The following CTTNBP2NL variants were observed in gnomAD, a reference collection of about 807,000 sequenced individuals.
CTTNBP2NL encodes the protein CTTNBP2 N-terminal like.
Under a neutral mutation model 32.5 loss-of-function variants are expected in CTTNBP2NL, and 16 were observed. The observed-to-expected ratio is 0.49, with a 90% CI of 0.33 to 0.75. The LOEUF (loss-of-function observed/expected upper bound fraction) is 0.75. CTTNBP2NL is among the 30% of genes least tolerant of loss of function. CTTNBP2NL has a pLI of 0.02. For synonymous variants in CTTNBP2NL, 298 were observed against 289.4 expected (o/e 1.03, Z -0.30); for missense variants, 645 against 756.0 (o/e 0.85, Z 1.72).
intron 3 of CTTNBP2NL, among the ~76,000 whole-genome samples, chr1:112,433,413 G>T (rs1193799701): frequency 6.6e-6 from 1 of 152,126 alleles, no homozygotes; most frequent in East Asian, 1.9e-4. Flanking sequence ...GGCCAAAATG[G>T]CAAAACCCTG....
intron 4 of CTTNBP2NL, among the ~76,000 whole-genome samples, chr1:112,450,916 C>T (rs1448659739): frequency 6.6e-6 from 1 of 151,934 alleles, no homozygotes; most frequent in African/African-American, 2.4e-5. Context: ...AGAAATCAAA[C>T]AGTACCTAGA....
intron 3 of CTTNBP2NL, among the ~76,000 whole-genome samples, chr1:112,435,342 A>T (rs1448910973): frequency 6.6e-6 from 1 of 151,894 alleles, no homozygotes; most frequent in Non-Finnish European, 1.5e-5. Context: ...TTTTTCACTA[A>T]ATGTAAGCTC....
intron 1 of CTTNBP2NL, among the ~76,000 whole-genome samples, chr1:112,405,841 C>T (rs1648645994): frequency 6.6e-6 from 1 of 152,082 alleles, no homozygotes; most frequent in Admixed American, 6.6e-5. Flanking sequence ...AAAACAAAAA[C>T]CTGATACCTA....
At chr1:112,444,684 AC>A (rs1170264775) in intron 3 of CTTNBP2NL, among the ~76,000 whole-genome samples, 1 of 152,112 alleles carries the variant, frequency 6.6e-6, no homozygotes, top group Non-Finnish European at 1.5e-5. Context: ...TTATTACTAA[AC>A]CCCCTCCAAA....
chr1:112,407,840 CTTTTTTTTTTTTT>C (rs869134559), intron 1 of CTTNBP2NL, among the ~76,000 whole-genome samples: 7 of 96,052 alleles, frequency 7.3e-5, no homozygotes, highest in African/African-American at 2.8e-4. Flanking sequence ...TTTTTTCTTT[CTTTTTTTTTTTTT>C]TTTTTTTTTG....
intron 1 of CTTNBP2NL, among the ~76,000 whole-genome samples, chr1:112,406,714 G>A (rs903368200): frequency 6.6e-6 from 1 of 152,082 alleles, no homozygotes; most frequent in Non-Finnish European, 1.5e-5. Flanking sequence ...TTAGAAAACT[G>A]CTATAGAACT....
intron 3 of CTTNBP2NL, among the ~76,000 whole-genome samples, chr1:112,425,270 A>G (rs1570728169): frequency 6.6e-6 from 1 of 152,246 alleles, no homozygotes; most frequent in East Asian, 1.9e-4. Context: ...CAGGAGTTCA[A>G]GACCAGCCTG....
chr1:112,394,728 C>T (rs1264286171), upstream of CTTNBP2NL, among the ~76,000 whole-genome samples: 1 of 152,172 alleles, frequency 6.6e-6, no homozygotes, highest in Non-Finnish European at 1.5e-5. Flanking sequence ...TACCATCATC[C>T]ACGCCCATTC....
At chr1:112,452,959 C>CA (rs1221396384) in intron 4 of CTTNBP2NL, among the ~76,000 whole-genome samples, 1 of 145,498 alleles carries the variant, frequency 6.9e-6, no homozygotes, top group African/African-American at 2.6e-5. Flanking sequence ...CCCATTTCTA[C>CA]AAAAAATCAG....
chr1:112,457,277 T>C lies in CTTNBP2NL; in HGVS notation c.1785T>C (p.Ala595=), dbSNP rs1469351786. 1 of 1,614,142 alleles carries C rather than the reference T, an allele frequency of 6.2e-7. No individual in the cohort carries two copies. Among genetic ancestry groups the C allele is most frequent in the African/African-American group, 1.3e-5 (1 of 75,036 alleles). Reference sequence around the variant, plus strand: ...CTGGCCTCACCCCTTCTCCATCTGCTACCACTCCATTGACCAAAACTCATT... The same window carrying C: ...CTGGCCTCACCCCTTCTCCATCTGCCACCACTCCATTGACCAAAACTCATT... ...KKPGLTPSPS[A]TTPLTKTHSQ... Residue 595 remains alanine (A), a synonymous_variant, in exon 6 of 6, where the codon GCT becomes GCC. Coordinates refer to ENST00000271277, the MANE Select transcript of CTTNBP2NL (RefSeq NM_018704.3).
intron 1 of CTTNBP2NL, among the ~76,000 whole-genome samples, chr1:112,410,104 A>G (rs1054296860): frequency 2.6e-5 from 4 of 152,206 alleles, no homozygotes; most frequent in African/African-American, 9.7e-5. Flanking sequence ...ACATAAAAAT[A>G]AGTGTAGGCC....
chr1:112,456,268 G>T lies in CTTNBP2NL; in HGVS notation c.776G>T (p.Arg259Leu). 1 of 1,613,954 alleles carries T rather than the reference G, an allele frequency of 6.2e-7. No homozygotes were observed. The highest frequency in any genetic ancestry group is 8.5e-7 in the Non-Finnish European group (1 of 1,179,996). Residue 259 changes from arginine to leucine, a missense_variant, in exon 6 of 6, where the codon CGG becomes CTG. Transcript: ENST00000271277. ...GCAAAACTGAACCGAGAAGAGAACC[G>T]GACCAAAACCCTGAAAGAAGAAATG... The part of the protein sequence containing the change: ...LRAKLNREEN[R>L]TKTLKEEMES...
chr1:112,434,593 T>C (rs1444155182), intron 3 of CTTNBP2NL, among the ~76,000 whole-genome samples: 1 of 152,178 alleles, frequency 6.6e-6, no homozygotes, highest in African/African-American at 2.4e-5. Context: ...TAGTATCAAG[T>C]TGATCTTGTT....
chr1:112,432,773 T>C lies in CTTNBP2NL; in HGVS notation c.100-16169T>C, dbSNP rs1406652520. Among the ~76,000 whole-genome samples the C allele has an allele frequency of 3.9e-5, 6 of 151,980 alleles. No individual in the cohort carries two copies. In the East Asian group the frequency reaches 5.8e-4, roughly 15 times the overall value. ...ATATTTAAAAAAAAAAAAAAAACCT[T>C]CTCAATCTTGCCATCCTTCTAAGTT... On this transcript the variant is annotated intron_variant, in intron 3 of 5. Coordinates refer to ENST00000271277, the MANE Select transcript of CTTNBP2NL (RefSeq NM_018704.3).
intron 3 of CTTNBP2NL, among the ~76,000 whole-genome samples, chr1:112,423,075 T>C (rs2483359): frequency 0.55 from 83,858 of 152,104 alleles, 24,267 homozygotes; most frequent in South Asian, 0.71. Context: ...ATTGTAGGCA[T>C]AGTCACCAAC....
At chr1:112,434,578 A>T (rs1232699764) in intron 3 of CTTNBP2NL, among the ~76,000 whole-genome samples, 3 of 152,132 alleles carry the variant, frequency 2.0e-5, no homozygotes, top group Admixed American at 6.5e-5. Flanking sequence ...TAACCTAACC[A>T]TCATTAGTAT....
chr1:112,439,064 C>T (rs570077192), intron 3 of CTTNBP2NL, among the ~76,000 whole-genome samples: 1 of 152,228 alleles, frequency 6.6e-6, no homozygotes, highest in South Asian at 2.1e-4. Flanking sequence ...GCTGCCTTTC[C>T]ATCTGCCGAC....
rs915629871 is a variant in CTTNBP2NL, at chr1:112,396,229, G to A, written c.-177G>A. ...GCGGAGCCTCAGCCGCTGTGGATGG[G>A]GAGTGGAGGCGGAGGGGAGCGGAGC... On this transcript the variant is annotated 5_prime_UTR_variant, in exon 1 of 6. Coordinates refer to ENST00000271277, the MANE Select transcript of CTTNBP2NL (RefSeq NM_018704.3). The A allele has an allele frequency of 5.2e-5, 8 of 152,576 alleles. No homozygotes were observed. Among genetic ancestry groups the A allele is most frequent in the Admixed American group, 3.9e-4 (6 of 15,314 alleles). 9.5% of individuals were successfully genotyped at this position (152,576 alleles called of 1,614,324 possible). A position where few individuals can be genotyped will look rare whatever the true frequency, so the allele number is the denominator to read the frequency against.
chr1:112,456,258 G>A lies in CTTNBP2NL; in HGVS notation c.766G>A (p.Glu256Lys). The change falls in exon 6 of 6, where the codon GAA becomes AAA. Residue 256 changes from glutamate to lysine, a missense_variant. Transcript: ENST00000271277. ...REQLRAKLNREENRTKTLKEE... is the reference protein window; with the variant it reads ...REQLRAKLNRKENRTKTLKEE... ...ACAACTGAGAGCAAAACTGAACCGA[G>A]AAGAGAACCGGACCAAAACCCTGAA... 2.5e-6 allele frequency: 4 copies of A among 1,614,114 alleles called. No homozygotes were observed. Among genetic ancestry groups the A allele is most frequent in the Non-Finnish European group, 3.4e-6 (4 of 1,180,032 alleles).
Sources: gnomAD v4.1 joint callset for allele counts (sites outside exome capture counted in the v4.1 genomes callset) on GRCh38, gnomAD v4.1.1 for gene constraint, MANE v1.5 for transcripts, NCBI Gene and HGNC (gene_info 2026-07-23, HGNC 2026-07-21) for gene names.